SNAP25: variants seen among roughly 807,000 people sequenced by gnomAD.
SNAP25 encodes synaptosome associated protein 25, also known as synaptosomal-associated protein 25.
In SNAP25, 3 loss-of-function variants were observed where a neutral mutation model predicts 28.7. The ratio of observed to expected loss-of-function variants is 0.10; its 90% CI spans 0.05 to 0.27. The LOEUF is 0.27. Among genes scored for constraint, SNAP25 ranks in the 10% least tolerant of loss-of-function variants. The pLI, the probability that SNAP25 is intolerant of heterozygous loss-of-function variation, is 1.00. For missense variants in SNAP25, 117 were observed against 278.7 expected, an observed-to-expected ratio of 0.42 and a Z score of 4.13; for synonymous variants, 61 against 88.1, an observed-to-expected ratio of 0.69 and a Z score of 1.72.
At chr20:10,298,250 C>G (rs927810558) in intron 6 of SNAP25, among the ~76,000 whole-genome samples, 4 of 152,168 alleles carry the variant, frequency 2.6e-5, no homozygotes, top group African/African-American at 4.8e-5. Context: ...CACCATTGAA[C>G]TAGAAGTATC....
Position 10,240,762 on chromosome 20 carries a change from T to C in SNAP25, c.-64+21785T>C, listed in dbSNP as rs189367147. On this transcript the variant is annotated intron_variant, in intron 1 of 7. Transcript: ENST00000254976. ...CCACCTGCCTGAGTTGGGGCCTACATGCATTGTTCTGATCATGATTGCCTC... is the reference window on the plus strand; with the variant it reads ...CCACCTGCCTGAGTTGGGGCCTACACGCATTGTTCTGATCATGATTGCCTC... Among the ~76,000 whole-genome samples, 7 of 152,298 alleles carry C rather than the reference T, an allele frequency of 4.6e-5. No homozygotes were observed. In the East Asian group the frequency reaches 7.7e-4, roughly 17 times the overall value.
intron 7 of SNAP25, among the ~76,000 whole-genome samples, chr20:10,304,812 C>A (rs1189919193): frequency 6.6e-6 from 1 of 152,150 alleles, no homozygotes; most frequent in Non-Finnish European, 1.5e-5. Flanking sequence ...TCACTTTTTA[C>A]TGCACTATGC....
chr20:10,232,632 G>A (rs568111167), intron 1 of SNAP25, among the ~76,000 whole-genome samples: 1 of 152,166 alleles, frequency 6.6e-6, no homozygotes, highest in Non-Finnish European at 1.5e-5. Flanking sequence ...TATAGATTGT[G>A]CCTCCACCAT....
intron 3 of SNAP25, among the ~76,000 whole-genome samples, chr20:10,281,516 G>T (rs2063777234): frequency 6.6e-6 from 1 of 152,128 alleles, no homozygotes; most frequent in Non-Finnish European, 1.5e-5. Flanking sequence ...ATCTTTGTTA[G>T]CTTCCTTCTA....
At chr20:10,264,627 G>T (rs953082967) in intron 1 of SNAP25, among the ~76,000 whole-genome samples, 1 of 152,154 alleles carries the variant, frequency 6.6e-6, no homozygotes, top group Admixed American at 6.5e-5. Context: ...CTGGGGAGCC[G>T]CGTTCTTGTG....
chr20:10,282,204 GAAGGAAGGAAGGAAGGAAGGAAGGGA>G (rs1377937066), intron 3 of SNAP25, among the ~76,000 whole-genome samples: 22 of 145,634 alleles, frequency 1.5e-4, no homozygotes, highest in Non-Finnish European at 2.8e-4. Flanking sequence ...AGGAAGGAAG[GAAGGAAGGAAGGAAGGAAGGAAGGGA>G]AAGGAAGGAA....
intron 1 of SNAP25, among the ~76,000 whole-genome samples, chr20:10,259,366 T>C (rs1239651811): frequency 1.3e-5 from 2 of 152,184 alleles, no homozygotes; most frequent in East Asian, 3.8e-4. Context: ...GTGGTTCCTG[T>C]AATACTGAGG....
chr20:10,241,554 G>A (rs922612580), intron 1 of SNAP25, among the ~76,000 whole-genome samples: 1 of 152,084 alleles, frequency 6.6e-6, no homozygotes, highest in Admixed American at 6.5e-5. Flanking sequence ...GATGGGGATG[G>A]TGGCTAAGTA....
At chr20:10,280,812 C>CT (rs978806043) in intron 3 of SNAP25, among the ~76,000 whole-genome samples, 5 of 152,152 alleles carry the variant, frequency 3.3e-5, no homozygotes, top group Non-Finnish European at 7.3e-5. Flanking sequence ...TTTATGCCAA[C>CT]TTATCTTTCA....
chr20:10,246,455 A>G (rs553379720), intron 1 of SNAP25, among the ~76,000 whole-genome samples: 1 of 152,320 alleles, frequency 6.6e-6, no homozygotes, highest in South Asian at 2.1e-4. Context: ...TTTGACGTTT[A>G]TCTAAAACGT....
At chr20:10,284,163 AGAGT>A (rs2063831408) in intron 3 of SNAP25, among the ~76,000 whole-genome samples, 1 of 152,100 alleles carries the variant, frequency 6.6e-6, no homozygotes, top group Non-Finnish European at 1.5e-5. Flanking sequence ...AAATGGAGAG[AGAGT>A]GAGTTTCCTT....
rs2062567072 is a variant in SNAP25 at position 10,218,878 on chromosome 20, G to T, written c.-163G>T. ...CGTTGCATTGAAGACGAAACCTCGG[G>T]GAGGTCAGGCGCTGTCTTTCCTTCC... On this transcript the variant is annotated 5_prime_UTR_variant, in exon 1 of 8. Coordinates refer to ENST00000254976, the MANE Select transcript of SNAP25 (RefSeq NM_130811.4). The T allele has an allele frequency of 6.6e-6, 1 of 152,272 alleles. No individual in the cohort carries two copies. Among genetic ancestry groups the T allele is most frequent in the Admixed American group, 6.5e-5 (1 of 15,292 alleles). The allele number at this position is 152,272 out of a possible 1,614,324, so 9.4% of individuals were successfully genotyped here. A position where few individuals can be genotyped will look rare whatever the true frequency, so the allele number is the denominator to read the frequency against.
At chr20:10,270,283 A>T (rs1568604714) in intron 1 of SNAP25, among the ~76,000 whole-genome samples, 1 of 151,702 alleles carries the variant, frequency 6.6e-6, no homozygotes, top group Non-Finnish European at 1.5e-5. Flanking sequence ...AAACTACAGG[A>T]CTCCCACCAC....
intron 1 of SNAP25, among the ~76,000 whole-genome samples, chr20:10,244,776 G>C (rs1286434394): frequency 6.7e-6 from 1 of 150,346 alleles, no homozygotes; most frequent in African/African-American, 2.5e-5. Flanking sequence ...TGTCACCCAG[G>C]CTGGAGTACA....
At chr20:10,251,797 GT>G (rs2063233665) in intron 1 of SNAP25, among the ~76,000 whole-genome samples, 1 of 152,134 alleles carries the variant, frequency 6.6e-6, no homozygotes, top group Admixed American at 6.5e-5. Context: ...AGAAAAGCTT[GT>G]TTGCCTATCA....
intron 1 of SNAP25, among the ~76,000 whole-genome samples, chr20:10,232,747 T>TAGA (rs2062849161): frequency 6.6e-6 from 1 of 152,026 alleles, no homozygotes; most frequent in Non-Finnish European, 1.5e-5. Context: ...ATGCTATGAG[T>TAGA]TAAAGAATGC....
chr20:10,268,671 A>C (rs1292430106), intron 1 of SNAP25, among the ~76,000 whole-genome samples: 5 of 152,208 alleles, frequency 3.3e-5, no homozygotes, highest in Admixed American at 3.3e-4. Flanking sequence ...AAGGCACCTA[A>C]CTAAGTAAGC....
intron 2 of SNAP25, among the ~76,000 whole-genome samples, chr20:10,276,848 C>T (rs1207582029): frequency 6.6e-6 from 1 of 152,120 alleles, no homozygotes; most frequent in African/African-American, 2.4e-5. Context: ...GTGTATTTTT[C>T]CCAGAGAGCC....
chr20:10,229,936 G>A (rs1289563134), intron 1 of SNAP25, among the ~76,000 whole-genome samples: 1 of 152,166 alleles, frequency 6.6e-6, no homozygotes, highest in East Asian at 1.9e-4. Context: ...AGCAACCAGA[G>A]TCAGATTATC....
Sources: gnomAD v4.1 joint callset for allele counts (sites outside exome capture counted in the v4.1 genomes callset) on GRCh38, gnomAD v4.1.1 for gene constraint, MANE v1.5 for transcripts, NCBI Gene and HGNC (gene_info 2026-07-23, HGNC 2026-07-21) for gene names.